MICU1: variants seen among roughly 807,000 people sequenced by gnomAD.
MICU1 encodes the protein calcium uptake protein 1, mitochondrial.
Under a neutral mutation model 56.8 loss-of-function variants are expected in MICU1, and 45 were observed. The observed-to-expected ratio is 0.79, with a 90% CI of 0.62 to 1.02. The LOEUF (loss-of-function observed/expected upper bound fraction) is 1.02, where lower values mean the gene tolerates loss of function less well. MICU1 is among the 50% of genes least tolerant of loss of function. The pLI is 0.00. For synonymous variants in MICU1, 186 were observed against 195.1 expected, an observed-to-expected ratio of 0.95 and a Z score of 0.39; for missense variants, 504 against 587.1, an observed-to-expected ratio of 0.86 and a Z score of 1.46.
chr10:72,384,379 C>T (rs1330595365), intron 10 of MICU1, among the ~76,000 whole-genome samples: 1 of 152,024 alleles, frequency 6.6e-6, no homozygotes, highest in Admixed American at 6.5e-5. Flanking sequence ...AATAAATACT[C>T]CCTCTACACT....
At chr10:72,588,083 G>A (rs1407551808) in intron 1 of MICU1, among the ~76,000 whole-genome samples, 1 of 152,154 alleles carries the variant, frequency 6.6e-6, no homozygotes, top group Non-Finnish European at 1.5e-5. Context: ...ACGGGGGGCA[G>A]ATTTTCCCCT....
intron 1 of MICU1, among the ~76,000 whole-genome samples, chr10:72,623,177 A>G (rs939026603): frequency 3.9e-5 from 6 of 152,012 alleles, no homozygotes; most frequent in Admixed American, 6.6e-5. Flanking sequence ...AGGATGAGGC[A>G]GAAGAATCAC....
At chr10:72,617,891 C>A (rs1189813180) in intron 1 of MICU1, among the ~76,000 whole-genome samples, 2 of 152,068 alleles carry the variant, frequency 1.3e-5, no homozygotes, top group East Asian at 3.9e-4. Context: ...CTAGGCTGGC[C>A]GCAGTGGCTT....
rs766873981 is a variant in MICU1 at position 72,423,375 on chromosome 10, G to A, written c.934-4C>T. On this transcript the variant is annotated splice_polypyrimidine_tract_variant and splice_region_variant and intron_variant, in intron 8 of 11. Coordinates refer to ENST00000361114, the MANE Select transcript of MICU1 (RefSeq NM_001195518.2). ...CCACAGGGTCATGGCGTTCAAACTG[G>A]GAGGGAAACAGAAAGAATGTTCCTA... 1.1e-5 allele frequency: 17 copies of A among 1,613,054 alleles called. No homozygotes were observed. Among genetic ancestry groups the A allele is most frequent in the Non-Finnish European group, 1.4e-5 (17 of 1,179,552 alleles).
intron 1 of MICU1, among the ~76,000 whole-genome samples, chr10:72,606,041 G>A (rs1448159063): frequency 6.6e-6 from 1 of 150,896 alleles, no homozygotes; most frequent in Non-Finnish European, 1.5e-5. Flanking sequence ...TGAGACAGGA[G>A]AATCACTTGA....
At chr10:72,506,966 T>TATATATATATGGATA (rs1867273480) in intron 6 of MICU1, among the ~76,000 whole-genome samples, 1 of 152,114 alleles carries the variant, frequency 6.6e-6, no homozygotes, top group South Asian at 2.1e-4. Flanking sequence ...GCAAGGCATA[T>TATATATATATGGATA]ACATATATAT....
At chr10:72,435,884 G>A (rs988685456) in intron 8 of MICU1, among the ~76,000 whole-genome samples, 12 of 152,248 alleles carry the variant, frequency 7.9e-5, no homozygotes, top group Admixed American at 5.9e-4. Context: ...CAAAGCGGTC[G>A]GGAAGCTTGA....
chr10:72,614,916 G>C (rs890671091), intron 1 of MICU1, among the ~76,000 whole-genome samples: 7 of 152,198 alleles, frequency 4.6e-5, no homozygotes, highest in African/African-American at 1.7e-4. Flanking sequence ...TATTTAAGCT[G>C]TGCTAAAATA....
At chr10:72,424,111 T>C (rs1350014788) in intron 8 of MICU1, among the ~76,000 whole-genome samples, 2 of 108,318 alleles carry the variant, frequency 1.8e-5, no homozygotes, top group South Asian at 2.8e-4. Context: ...CAGTGACCAT[T>C]TCCCCCCCAC....
chr10:72,483,939 GTTTC>G (rs369106303), intron 6 of MICU1: 6 of 152,276 alleles, frequency 3.9e-5, no homozygotes, highest in African/African-American at 1.4e-4. Flanking sequence ...TTAAAGTCAA[GTTTC>G]TTTCTTCTGG....
chr10:72,397,176 C>T (rs1304937818), intron 10 of MICU1, among the ~76,000 whole-genome samples: 1 of 152,138 alleles, frequency 6.6e-6, no homozygotes, highest in African/African-American at 2.4e-5. Flanking sequence ...CATATCCAGC[C>T]AAACTAAGCT....
chr10:72,552,604 GGAGTGCAATGCTGTGATCTCGGCT>G (rs1192934086), intron 3 of MICU1, among the ~76,000 whole-genome samples: 1 of 152,102 alleles, frequency 6.6e-6, no homozygotes, highest in Non-Finnish European at 1.5e-5. Context: ...TGCCCAGGCT[GGAGTGCAATGCTGTGATCTCGGCT>G]CACTGCAACC....
intron 5 of MICU1, among the ~76,000 whole-genome samples, chr10:72,512,097 G>GTTTTTTTTTTTTTTTTTT (rs1867471926): frequency 9.9e-5 from 10 of 100,688 alleles, no homozygotes; most frequent in African/African-American, 4.2e-4. Context: ...TCCATACACA[G>GTTTTTTTTTTTTTTTTTT]TTGTTTTTTG....
intron 11 of MICU1, among the ~76,000 whole-genome samples, chr10:72,371,499 T>G (rs529246514): frequency 6.6e-6 from 1 of 152,150 alleles, no homozygotes; most frequent in Admixed American, 6.5e-5. Context: ...TCCCAGCACT[T>G]TGGGAGGCCA....
At chr10:72,570,052 T>C (rs931975756) in intron 1 of MICU1, among the ~76,000 whole-genome samples, 1 of 152,110 alleles carries the variant, frequency 6.6e-6, no homozygotes, top group Admixed American at 6.6e-5. Flanking sequence ...TTCAACCAAT[T>C]CTCCTGCGTC....
chr10:72,442,432 C>T (rs1864966785), intron 8 of MICU1, among the ~76,000 whole-genome samples: 3 of 152,172 alleles, frequency 2.0e-5, no homozygotes, highest in Admixed American at 2.0e-4. Flanking sequence ...GCGTGAGCCA[C>T]CACGCCTGGC....
intron 1 of MICU1, among the ~76,000 whole-genome samples, chr10:72,594,925 C>CAAAAAAAAAAAAAAAAAAAAAAAAAA (rs57504317): frequency 2.0e-5 from 1 of 50,744 alleles, no homozygotes; most frequent in Non-Finnish European, 4.2e-5. Flanking sequence ...AAGTACAATC[C>CAAAAAAAAAAAAAAAAAAAAAAAAAA]AAAAAAAAAA....
chr10:72,576,225 C>CAAAAAA (rs34829939), intron 1 of MICU1, among the ~76,000 whole-genome samples: 14 of 68,188 alleles, frequency 2.1e-4, no homozygotes, highest in East Asian at 5.0e-4. Context: ...AAAAAAACAC[C>CAAAAAA]AAAAAAAAAA....
intron 2 of MICU1, 74 bp downstream of exon 2, chr10:72,566,559 A>G: frequency 7.0e-7 from 1 of 1,435,566 alleles, no homozygotes; most frequent in Non-Finnish European, 9.4e-7. Flanking sequence ...CCAGAAATCA[A>G]CTCCTTTCTG....
Sources: gnomAD v4.1 joint callset for allele counts (sites outside exome capture counted in the v4.1 genomes callset) on GRCh38, gnomAD v4.1.1 for gene constraint, MANE v1.5 for transcripts, NCBI Gene and HGNC (gene_info 2026-07-23, HGNC 2026-07-21) for gene names.